ATP2A2: variants seen among roughly 807,000 people sequenced by gnomAD.
ATP2A2 encodes ATPase sarcoplasmic/endoplasmic reticulum Ca2+ transporting 2, also known as sarcoplasmic/endoplasmic reticulum calcium ATPase 2.
A neutral mutation model predicts 109.3 loss-of-function variants in ATP2A2; 14 were observed. The ratio of observed to expected loss-of-function variants is 0.13; its 90% CI spans 0.08 to 0.20. The LOEUF is 0.20. Among genes scored for constraint, ATP2A2 ranks in the 10% least tolerant of loss-of-function variants. ATP2A2 has a pLI of 1.00. For synonymous variants in ATP2A2, 506 were observed against 490.9 expected, an observed-to-expected ratio of 1.03 and a Z score of -0.41; for missense variants, 657 against 1,321.6, an observed-to-expected ratio of 0.50 and a Z score of 7.80.
intron 3 of ATP2A2, among the ~76,000 whole-genome samples, chr12:110,289,771 T>A (rs1014856983): frequency 8.5e-5 from 13 of 152,224 alleles, no homozygotes; most frequent in African/African-American, 2.9e-4. Flanking sequence ...GATTAAATCA[T>A]TAGATGTGGT....
intron 5 of ATP2A2, among the ~76,000 whole-genome samples, chr12:110,317,668 A>G (rs904737362): frequency 2.0e-5 from 3 of 152,052 alleles, no homozygotes; most frequent in East Asian, 1.9e-4. Context: ...GTGAGCCACC[A>G]TGCCCGGCTT....
At chr12:110,301,891 AG>A (rs2137737226) in intron 5 of ATP2A2, among the ~76,000 whole-genome samples, 1 of 152,274 alleles carries the variant, frequency 6.6e-6, no homozygotes, top group African/African-American at 2.4e-5. Flanking sequence ...TTGGAAGGTT[AG>A]GCAAATTTTA....
chr12:110,283,299 G>A (rs1872338468), intron 3 of ATP2A2, among the ~76,000 whole-genome samples: 2 of 152,126 alleles, frequency 1.3e-5, no homozygotes, highest in African/African-American at 4.8e-5. Flanking sequence ...GACCAAATTT[G>A]GTCACTGACC....
chr12:110,307,622 A>G (rs916394914), intron 5 of ATP2A2, among the ~76,000 whole-genome samples: 1 of 152,016 alleles, frequency 6.6e-6, no homozygotes, highest in Non-Finnish European at 1.5e-5. Flanking sequence ...ATTTTTTCCT[A>G]TGTTGACTAC....
chr12:110,302,289 T>G (rs1874743612), intron 5 of ATP2A2, among the ~76,000 whole-genome samples: 1 of 152,168 alleles, frequency 6.6e-6, no homozygotes, highest in Non-Finnish European at 1.5e-5. Flanking sequence ...CCCTCTTCCC[T>G]GGCCCCTGGC....
At chr12:110,288,101 C>CTTTTTTTTTTTT (rs71083111) in intron 3 of ATP2A2, among the ~76,000 whole-genome samples, 1 of 87,300 alleles carries the variant, frequency 1.1e-5, no homozygotes, top group African/African-American at 5.3e-5. Context: ...ATGCTTTGCC[C>CTTTTTTTTTTTT]TTTTTTTTTT....
intron 5 of ATP2A2, among the ~76,000 whole-genome samples, chr12:110,297,124 C>G (rs1034873133): frequency 1.6e-4 from 25 of 152,190 alleles, no homozygotes; most frequent in Admixed American, 1.6e-3. Context: ...AGTTCATGGT[C>G]AAGGGTAATT....
Position 110,349,294 on chromosome 12 carries a change from C to T in ATP2A2, c.*2824C>T. 2 of 985,496 alleles carry T rather than the reference C, an allele frequency of 2.0e-6. No homozygotes were observed. Among genetic ancestry groups the T allele is most frequent in the Non-Finnish European group, 2.4e-6 (2 of 829,994 alleles). The allele number at this position is 985,496 out of a possible 1,614,324, so 61.0% of individuals were successfully genotyped here. ...TCACCTAACAGTGAGGCAGCAGCTG[C>T]CCAGCCCCGCAATGTGCCTGCTGTC... On this transcript the variant is annotated 3_prime_UTR_variant, in exon 20 of 20. Transcript: ENST00000539276.
chr12:110,309,307 G>A (rs867331594), intron 5 of ATP2A2, among the ~76,000 whole-genome samples: 1 of 151,156 alleles, frequency 6.6e-6, no homozygotes, highest in Admixed American at 6.6e-5. Context: ...ACAAGTGCCC[G>A]CCACCACACC....
Position 110,282,538 on chromosome 12 carries a change from GTC to G in ATP2A2, c.119-58_119-57del, listed in dbSNP as rs540446116. 8.7e-3 allele frequency: 13,673 copies of G among 1,577,532 alleles called. 9 individuals are homozygous for G. Among genetic ancestry groups the G allele is most frequent in the Non-Finnish European group, 9.7e-3 (11,176 of 1,148,402 alleles). ...TTTTAGAAAAACGAAGTGCTAAAAT[GTC>G]TCTCTCTTTTTTTTTTTAACCTCCC... On this transcript the variant is annotated intron_variant, in intron 1 of 19. Coordinates refer to ENST00000539276, the MANE Select transcript of ATP2A2 (RefSeq NM_170665.4).
chr12:110,299,037 A>G (rs112741128), intron 5 of ATP2A2, among the ~76,000 whole-genome samples: 207 of 152,190 alleles, frequency 1.4e-3, no homozygotes, highest in African/African-American at 4.8e-3. Flanking sequence ...TGGCACCATC[A>G]CGGCTCACTG....
chr12:110,345,894 C>CACA, intron 18 of ATP2A2, 107 bp from the exon 19 acceptor site: 1 of 1,123,620 alleles, frequency 8.9e-7, no homozygotes, highest in Non-Finnish European at 1.4e-6. Context: ...CGGATGGTGC[C>CACA]ACATTAACAG....
In ATP2A2 at chr12:110,348,925, C is replaced by T. The variant is rs1205726220; in HGVS notation, c.*2455C>T. ...CTTGAGTGCTGCACTATTGCTATTC[C>T]GTGCAAACAAAACTCAGCTTTTCCT... On this transcript the variant is annotated 3_prime_UTR_variant, in exon 20 of 20. Coordinates refer to ENST00000539276, the MANE Select transcript of ATP2A2 (RefSeq NM_170665.4). The T allele has an allele frequency of 1.2e-5, 12 of 985,328 alleles. No individual in the cohort carries two copies. Among genetic ancestry groups the T allele is most frequent in the South Asian group, 4.7e-5 (1 of 21,294 alleles). 61.0% of individuals were successfully genotyped at this position (985,328 alleles called of 1,614,324 possible).
In ATP2A2 at chr12:110,325,091, A is replaced by G. The variant is rs1877647308; in HGVS notation, c.545-1299A>G. Among the ~76,000 whole-genome samples the G allele has an allele frequency of 2.0e-5, 3 of 152,124 alleles. No individual in the cohort carries two copies. In the South Asian group the frequency reaches 6.2e-4, roughly 32 times the overall value. ...AACCCCCAAAGTGCTGGGATTACAG[A>G]CATAAGTCATCACACCCAGCCTATA... On this transcript the variant is annotated intron_variant, in intron 6 of 19. Transcript: ENST00000539276.
chr12:110,330,459 T>TTG (rs1878230853), intron 8 of ATP2A2: 1 of 152,260 alleles, frequency 6.6e-6, no homozygotes, highest in African/African-American at 2.4e-5. Context: ...AAAGTCAGTT[T>TTG]TGTCATACTG....
intron 11 of ATP2A2, among the ~76,000 whole-genome samples, chr12:110,337,076 G>A (rs1287482719): frequency 6.6e-6 from 1 of 152,146 alleles, no homozygotes; most frequent in Non-Finnish European, 1.5e-5. Context: ...GACCACACAA[G>A]TACGGGCAAT....
intron 9 of ATP2A2, among the ~76,000 whole-genome samples, 184 bp downstream of exon 9, chr12:110,332,869 T>C (rs1376857515): frequency 6.6e-6 from 1 of 152,238 alleles, no homozygotes; most frequent in African/African-American, 2.4e-5. Context: ...TATAATCCAG[T>C]CATCTTTTTG....
At chr12:110,336,747 C>T (rs1878876295) in intron 11 of ATP2A2, among the ~76,000 whole-genome samples, 1 of 152,188 alleles carries the variant, frequency 6.6e-6, no homozygotes, top group African/African-American at 2.4e-5. Context: ...TAAACTGATG[C>T]ACAATTCACA....
intron 7 of ATP2A2, among the ~76,000 whole-genome samples, chr12:110,326,835 TAGAG>T (rs771647930): frequency 1.3e-5 from 2 of 152,078 alleles, no homozygotes; most frequent in Non-Finnish European, 2.9e-5. Flanking sequence ...GGTGCGTGTT[TAGAG>T]AGAGAGAGAA....
Sources: gnomAD v4.1 joint callset for allele counts (sites outside exome capture counted in the v4.1 genomes callset) on GRCh38, gnomAD v4.1.1 for gene constraint, MANE v1.5 for transcripts, NCBI Gene and HGNC (gene_info 2026-07-23, HGNC 2026-07-21) for gene names.